The following KLC1 variants were observed in gnomAD, a reference collection of about 807,000 sequenced individuals.
The protein encoded by KLC1 is kinesin light chain 1, also known as kinesin 2 60/70kDa.
KLC1 carries 30 observed loss-of-function variants against 84.2 expected under a neutral mutation model. That is an observed-to-expected ratio of 0.36 (90% CI 0.27 to 0.48). The LOEUF is 0.48. Ranked by LOEUF, KLC1 falls within the 20% of genes least tolerant of loss-of-function variation. The probability of loss-of-function intolerance (pLI) is 0.99; values close to 1 mark genes in which losing one functional copy is unlikely to be tolerated. For synonymous variants in KLC1, 289 were observed against 293.3 expected (o/e 0.99, Z 0.15); for missense variants, 499 against 805.4 (o/e 0.62, Z 4.60).
chr14:103,692,993 C>T (rs978687640), intron 15 of KLC1, among the ~76,000 whole-genome samples: 1 of 152,242 alleles, frequency 6.6e-6, no homozygotes, highest in Non-Finnish European at 1.5e-5. Context: ...TTTTCATCCA[C>T]TCCGCCCTTT....
chr14:103,700,754 G>A (rs4624101), intron 16 of KLC1, 27 bp downstream of exon 16: 4 of 1,541,388 alleles, frequency 2.6e-6, no homozygotes, highest in South Asian at 1.2e-5. Context: ...GCAGCCCCAG[G>A]AAGCAGGCAG....
intron 15 of KLC1, chr14:103,698,975 C>T: frequency 3.8e-6 from 6 of 1,598,622 alleles, no homozygotes; most frequent in South Asian, 1.1e-5. Context: ...GCTGGTTAGC[C>T]CAGGTTATGC....
chr14:103,692,495 A>ACTCGGCCCCTG (rs954306903), intron 15 of KLC1, 70 bp downstream of exon 15: 13 of 1,335,250 alleles, frequency 9.7e-6, no homozygotes, highest in South Asian at 8.8e-5. Context: ...GCAGACCCGC[A>ACTCGGCCCCTG]CTCGGCCCCT....
intron 14 of KLC1, among the ~76,000 whole-genome samples, chr14:103,690,476 T>G (rs1351263078): frequency 6.6e-6 from 1 of 152,254 alleles, no homozygotes; most frequent in East Asian, 1.9e-4. Flanking sequence ...TGCCAGGCGC[T>G]GTGCTCACAG....
At chr14:103,675,805 G>T in intron 11 of KLC1, 49 bp downstream of exon 11, 1 of 1,496,258 alleles carries the variant, frequency 6.7e-7, no homozygotes, top group Non-Finnish European at 9.3e-7. Context: ...GCAGGGGGAA[G>T]GTAATTGTGT....
At chr14:103,686,045 G>C in intron 13 of KLC1, 1 of 1,038,276 alleles carries the variant, frequency 9.6e-7, no homozygotes. Flanking sequence ...GTGCTCCGTG[G>C]TACTTAGAGC....
intron 9 of KLC1, among the ~76,000 whole-genome samples, chr14:103,674,969 T>C (rs374517783): frequency 6.6e-6 from 1 of 152,146 alleles, no homozygotes; most frequent in South Asian, 2.1e-4. Flanking sequence ...GTCCATAGAC[T>C]TTTTCCTCCA....
chr14:103,666,224 C>T (rs551215150), intron 5 of KLC1, among the ~76,000 whole-genome samples: 19 of 151,984 alleles, frequency 1.3e-4, no homozygotes, highest in South Asian at 2.1e-4. Flanking sequence ...CCACCGCGCC[C>T]GGCTAATTTT....
At chr14:103,633,852 GTAT>G (rs1396509299) in intron 1 of KLC1, among the ~76,000 whole-genome samples, 4 of 151,924 alleles carry the variant, frequency 2.6e-5, no homozygotes, top group East Asian at 1.9e-4. Flanking sequence ...CTTAAATGCT[GTAT>G]TATTATTATT....
chr14:103,682,722 T>C (rs986850170), intron 13 of KLC1: 1 of 150,702 alleles, frequency 6.6e-6, no homozygotes, highest in African/African-American at 2.4e-5. Flanking sequence ...ATACCTGTTA[T>C]CTGTATAATG....
chr14:103,654,036 G>A (rs1257974170), intron 1 of KLC1, among the ~76,000 whole-genome samples: 2 of 152,150 alleles, frequency 1.3e-5, no homozygotes, highest in African/African-American at 4.8e-5. Context: ...GAGCCTGCCC[G>A]GTGACCGTGC....
intron 14 of KLC1, chr14:103,688,269 C>T (rs861548): frequency 0.3 from 45,318 of 152,030 alleles, 7,390 homozygotes; most frequent in Middle Eastern, 0.38. Context: ...CCTGCCTCAG[C>T]CTCCCAAGTA....
chr14:103,697,728 CTG>C (rs1260486279), intron 15 of KLC1: 1 of 152,308 alleles, frequency 6.6e-6, no homozygotes, highest in Non-Finnish European at 1.5e-5. Context: ...GGGGTCACCA[CTG>C]TGCCCATGGG....
intron 9 of KLC1, 143 bp from the exon 10 acceptor site, chr14:103,675,409 T>C (rs983069328): frequency 1.6e-6 from 1 of 628,910 alleles, no homozygotes; most frequent in Non-Finnish European, 2.8e-6. Context: ...ACAGGTTAAA[T>C]ATCCCATTAT....
chr14:103,638,767 T>TGGTGTGTATGTATGAACACAGTGGG lies in KLC1; in HGVS notation c.-2+9281_-2+9305dup, dbSNP rs1301956919. Among the ~76,000 whole-genome samples, 250 of 149,904 alleles carry TGGTGTGTATGTATGAACACAGTGGG rather than the reference T, an allele frequency of 1.7e-3. 3 individuals carry two copies. Among genetic ancestry groups the TGGTGTGTATGTATGAACACAGTGGG allele is most frequent in the Non-Finnish European group, 6.6e-4 (45 of 67,720 alleles). ...GGTGTGTGGGTGTGTGTGAACATAG[T>TGGTGTGTATGTATGAACACAGTGGG]GGTGTGTATGTATGAACACAGTGGG... On this transcript the variant is annotated intron_variant, in intron 1 of 16. Transcript: ENST00000334553.
intron 1 of KLC1, among the ~76,000 whole-genome samples, chr14:103,646,594 G>A (rs1016494778): frequency 2.6e-5 from 4 of 152,078 alleles, no homozygotes; most frequent in Admixed American, 6.6e-5. Context: ...CACTGCAGCC[G>A]TGAACTGCAG....
chr14:103,699,217 G>T, intron 15 of KLC1: 1 of 1,546,168 alleles, frequency 6.5e-7, no homozygotes, highest in East Asian at 2.4e-5. Flanking sequence ...CAACGGCTGA[G>T]GGTCTTCTCG....
At chr14:103,647,213 A>C (rs978880168) in intron 1 of KLC1, among the ~76,000 whole-genome samples, 2 of 151,798 alleles carry the variant, frequency 1.3e-5, no homozygotes, top group African/African-American at 4.8e-5. Flanking sequence ...TTCTTTATCC[A>C]GAAACTTTTT....
Position 103,699,540 on chromosome 14 carries a change from C to T in KLC1, c.1849-1115C>T, listed in dbSNP as rs531332562. On this transcript the variant is annotated intron_variant, in intron 15 of 16. Transcript: ENST00000334553. The stretch of plus-strand genomic sequence containing the variant: ...CGAGCCATGCCCCGAGACAGCAGTA[C>T]GGGGACCTTCTTATTCACACACTCC... 3.5e-5 allele frequency: 57 copies of T among 1,613,546 alleles called. No individual in the cohort carries two copies. Among genetic ancestry groups the T allele is most frequent in the African/African-American group, 2.0e-4 (15 of 74,982 alleles).
Sources: gnomAD v4.1 joint callset for allele counts (sites outside exome capture counted in the v4.1 genomes callset) on GRCh38, gnomAD v4.1.1 for gene constraint, MANE v1.5 for transcripts, NCBI Gene and HGNC (gene_info 2026-07-23, HGNC 2026-07-21) for gene names.